The following NLGN4X variants were observed in gnomAD, a reference collection of about 807,000 sequenced individuals.
NLGN4X encodes the protein neuroligin 4 X-linked.
In NLGN4X, 3 loss-of-function variants were observed where a neutral mutation model predicts 40.3. The observed-to-expected ratio is 0.07, with a 90% CI of 0.03 to 0.19. NLGN4X has a LOEUF of 0.19. Among genes scored for constraint, NLGN4X ranks in the 10% least tolerant of loss-of-function variants. NLGN4X has a pLI of 1.00. For synonymous variants in NLGN4X, 270 were observed against 306.8 expected (o/e 0.88, Z 1.25); for missense variants, 382 against 708.3 (o/e 0.54, Z 5.23).
intron 3 of NLGN4X, among the ~76,000 whole-genome samples, chrX:6,013,491 A>G (rs2036308086): frequency 9.2e-6 from 1 of 108,557 alleles, no homozygotes; most frequent in African/African-American, 3.3e-5. Flanking sequence ...TGCAACGGCT[A>G]ATCATTCAGA....
chrX:6,097,171 G>A (rs1230179671), intron 2 of NLGN4X, among the ~76,000 whole-genome samples: 1 of 108,637 alleles, frequency 9.2e-6, no homozygotes, highest in African/African-American at 3.3e-5. Flanking sequence ...CTTTTATTTT[G>A]GAAATAATCC....
At chrX:5,967,842 C>A (rs2034879742) in intron 3 of NLGN4X, among the ~76,000 whole-genome samples, 1 of 111,032 alleles carries the variant, frequency 9.0e-6, no homozygotes, top group Admixed American at 9.6e-5. Flanking sequence ...CAAGCCCCTG[C>A]ATCCTTTCTG....
chrX:6,051,018 C>T (rs1346510110), intron 2 of NLGN4X, among the ~76,000 whole-genome samples: 1 of 111,514 alleles, frequency 9.0e-6, no homozygotes. Flanking sequence ...TGGGCAGTGT[C>T]AGGTCATGGG....
rs2039602308 is a variant in NLGN4X, at chrX:6,128,197, G to GCA, written c.472+22797_472+22798insTG. Among the ~76,000 whole-genome samples, 7 of 111,276 alleles carry GCA rather than the reference G, an allele frequency of 6.3e-5. No individual in the cohort carries two copies. The South Asian group carries it at 2.7e-3, about 42-fold the overall frequency. On this transcript the variant is annotated intron_variant, in intron 2 of 5. Transcript: ENST00000381095. ...TGGGTCATTAGGGAGTTGAAACATG[G>GCA]GGCCCTACGAAGGCTGGGACAGACT...
chrX:6,024,763 G>A (rs892727191), intron 3 of NLGN4X, among the ~76,000 whole-genome samples: 3 of 111,478 alleles, frequency 2.7e-5, no homozygotes, highest in African/African-American at 9.8e-5. Flanking sequence ...ACCCTATATG[G>A]TCTAAAAAGG....
At chrX:6,213,487 T>C (rs1924794910) in intron 1 of NLGN4X, among the ~76,000 whole-genome samples, 1 of 111,944 alleles carries the variant, frequency 8.9e-6, no homozygotes, top group Non-Finnish European at 1.9e-5. Flanking sequence ...CAGTTCTTAG[T>C]AACGTACTAA....
At chrX:6,059,924 A>T (rs1412819124) in intron 2 of NLGN4X, among the ~76,000 whole-genome samples, 1 of 112,111 alleles carries the variant, frequency 8.9e-6, no homozygotes, top group East Asian at 2.8e-4. Context: ...TTTAACAGTC[A>T]CCTACATAAT....
rs749574818 is a variant in NLGN4X at position 6,225,689 on chromosome X, C to CTTTTTTT, written c.-306+2845_-306+2851dup. The stretch of plus-strand genomic sequence containing the variant: ...TTTCCTTTTTTTTCTTTCTTTTTTT[C>CTTTTTTT]TTTTTTTTTTTTTTTTTTTTTTTTT... On this transcript the variant is annotated intron_variant, in intron 1 of 5. Transcript: ENST00000381095. Among the ~76,000 whole-genome samples the CTTTTTTT allele has an allele frequency of 3.2e-3, 87 of 26,876 alleles. 3 individuals carry two copies. Among genetic ancestry groups the CTTTTTTT allele is most frequent in the African/African-American group, 7.4e-3 (56 of 7,584 alleles). 23.3% of individuals were successfully genotyped at this position (26,876 alleles called of 115,157 possible).
chrX:5,919,364 T>G (rs2032937349), intron 3 of NLGN4X, among the ~76,000 whole-genome samples: 1 of 111,858 alleles, frequency 8.9e-6, no homozygotes, highest in African/African-American at 3.3e-5. Flanking sequence ...ACTTAGATAC[T>G]TGAAGATACT....
chrX:6,192,075 T>C (rs1204994753), intron 1 of NLGN4X, among the ~76,000 whole-genome samples: 1 of 111,447 alleles, frequency 9.0e-6, no homozygotes, highest in African/African-American at 3.3e-5. Flanking sequence ...CCTAGAAAGT[T>C]TGGGCATTCC....
At chrX:6,069,789 T>C (rs766742562) in intron 2 of NLGN4X, among the ~76,000 whole-genome samples, 2 of 112,224 alleles carry the variant, frequency 1.8e-5, no homozygotes, top group East Asian at 2.8e-4. Context: ...TGTGAGATAA[T>C]TGAGCAGAAT....
At chrX:6,173,947 C>T (rs1017937859) in intron 1 of NLGN4X, among the ~76,000 whole-genome samples, 2 of 110,889 alleles carry the variant, frequency 1.8e-5, no homozygotes, top group Non-Finnish European at 3.8e-5. Flanking sequence ...TGTAATCCCA[C>T]CTACTTAGGA....
intron 3 of NLGN4X, among the ~76,000 whole-genome samples, chrX:5,963,317 A>T (rs2146987024): frequency 9.0e-6 from 1 of 111,677 alleles, no homozygotes; most frequent in South Asian, 3.8e-4. Context: ...ACAATGAAAG[A>T]AAGGTGATCT....
At chrX:6,050,060 T>C (rs890744154) in intron 2 of NLGN4X, among the ~76,000 whole-genome samples, 7 of 111,620 alleles carry the variant, frequency 6.3e-5, no homozygotes, top group African/African-American at 2.3e-4. Context: ...AATCTATCTT[T>C]CTCCCACTTC....
chrX:6,141,882 G>A (rs769853355), intron 2 of NLGN4X, among the ~76,000 whole-genome samples: 5 of 110,589 alleles, frequency 4.5e-5, no homozygotes, highest in East Asian at 5.6e-4. Context: ...AAAATAGTAC[G>A]GAAAATAAAT....
chrX:5,980,058 T>TAC (rs1187024567), intron 3 of NLGN4X, among the ~76,000 whole-genome samples: 1 of 107,013 alleles, frequency 9.3e-6, no homozygotes, highest in Non-Finnish European at 1.9e-5. Flanking sequence ...ATCATATATA[T>TAC]ACATATGTGT....
intron 3 of NLGN4X, among the ~76,000 whole-genome samples, chrX:6,018,524 G>T (rs963067877): frequency 9.0e-6 from 1 of 111,502 alleles, no homozygotes; most frequent in African/African-American, 3.3e-5. Flanking sequence ...TTAAAGATGG[G>T]TTCTCACTAT....
chrX:5,909,988 G>T, intron 3 of NLGN4X, among the ~76,000 whole-genome samples: 1 of 111,967 alleles, frequency 8.9e-6, no homozygotes, highest in East Asian at 2.8e-4. Context: ...GATTCTGTGA[G>T]TTGAGGATCT....
At chrX:5,978,534 T>C (rs188245011) in intron 3 of NLGN4X, among the ~76,000 whole-genome samples, 5 of 111,200 alleles carry the variant, frequency 4.5e-5, no homozygotes, top group Non-Finnish European at 9.4e-5. Context: ...AAGGCAGAAT[T>C]AGTAGGCAAA....
Sources: gnomAD v4.1 joint callset for allele counts (sites outside exome capture counted in the v4.1 genomes callset) on GRCh38, gnomAD v4.1.1 for gene constraint, MANE v1.5 for transcripts, NCBI Gene and HGNC (gene_info 2026-07-23, HGNC 2026-07-21) for gene names.